C8orf34: variants seen among roughly 807,000 people sequenced by gnomAD.
C8orf34 encodes the protein uncharacterized protein C8orf34.
Under a neutral mutation model 68.3 loss-of-function variants are expected in C8orf34, and 65 were observed. The ratio of observed to expected loss-of-function variants is 0.95; its 90% CI spans 0.78 to 1.17. C8orf34 has a LOEUF of 1.17. C8orf34 is among the 50% of genes most tolerant of loss of function. The pLI is 0.00. For synonymous variants in C8orf34, 244 were observed against 241.2 expected (o/e 1.01, Z -0.11); for missense variants, 664 against 655.4 (o/e 1.01, Z -0.14).
At chr8:68,735,407 T>A (rs1251019551) in intron 10 of C8orf34, among the ~76,000 whole-genome samples, 1 of 152,236 alleles carries the variant, frequency 6.6e-6, no homozygotes, top group African/African-American at 2.4e-5. Flanking sequence ...CGTAGCTGCA[T>A]CATGTGAATG....
At chr8:68,724,725 C>T (rs1821776876) in intron 10 of C8orf34, among the ~76,000 whole-genome samples, 2 of 152,066 alleles carry the variant, frequency 1.3e-5, no homozygotes, top group African/African-American at 4.8e-5. Context: ...AAAAGACAAC[C>T]ATGAAAAGAA....
intron 1 of C8orf34, among the ~76,000 whole-genome samples, chr8:68,336,711 G>C (rs991517734): frequency 2.6e-5 from 4 of 152,122 alleles, no homozygotes; most frequent in African/African-American, 9.7e-5. Context: ...TCCACATTTT[G>C]GTTTCTAAAT....
At chr8:68,759,488 T>C (rs1458329857) in intron 10 of C8orf34, among the ~76,000 whole-genome samples, 1 of 152,166 alleles carries the variant, frequency 6.6e-6, no homozygotes, top group Non-Finnish European at 1.5e-5. Context: ...GGGACTTATA[T>C]TTCCAGCCTG....
chr8:68,360,286 A>G (rs982476136), intron 1 of C8orf34, among the ~76,000 whole-genome samples: 2 of 152,140 alleles, frequency 1.3e-5, no homozygotes, highest in Admixed American at 1.3e-4. Context: ...CATTCATTTT[A>G]TGTGTGGTTG....
At chr8:68,764,486 A>G (rs898490072) in intron 10 of C8orf34, among the ~76,000 whole-genome samples, 5 of 152,188 alleles carry the variant, frequency 3.3e-5, no homozygotes, top group Admixed American at 6.5e-5. Context: ...TCAAGACAGC[A>G]CATAGCAGAG....
chr8:68,543,957 C>T (rs185656129), intron 7 of C8orf34, among the ~76,000 whole-genome samples: 16 of 152,182 alleles, frequency 1.1e-4, no homozygotes, highest in Admixed American at 3.3e-4. Context: ...TGTTTCACCC[C>T]GGCTTTCCTC....
Position 68,330,965 on chromosome 8 carries a change from G to A in C8orf34, c.-48G>A. On this transcript the variant is annotated 5_prime_UTR_variant, in exon 1 of 14. Transcript: ENST00000518698. ...GCCTCGAATTTCCCCACTGCGCCGG[G>A]CGCTGCGGAGAGCGGCGAGGGTGGG... The A allele has an allele frequency of 7.6e-7, 1 of 1,312,204 alleles. No homozygotes were observed. Among genetic ancestry groups the A allele is most frequent in the African/African-American group, 1.6e-5 (1 of 63,810 alleles). 81.3% of individuals were successfully genotyped at this position (1,312,204 alleles called of 1,614,324 possible). A position where few individuals can be genotyped will look rare whatever the true frequency, so the allele number is the denominator to read the frequency against.
chr8:68,458,227 C>G (rs1811634920), intron 3 of C8orf34, among the ~76,000 whole-genome samples: 1 of 152,164 alleles, frequency 6.6e-6, no homozygotes, highest in Non-Finnish European at 1.5e-5. Context: ...AATTAGTTCT[C>G]TATTGTGCAG....
chr8:68,365,698 C>G (rs1303262204), intron 1 of C8orf34, among the ~76,000 whole-genome samples: 1 of 71,138 alleles, frequency 1.4e-5, no homozygotes, highest in Non-Finnish European at 2.5e-5. Context: ...ATTCAACAAC[C>G]CTTCATGCTA....
intron 7 of C8orf34, among the ~76,000 whole-genome samples, chr8:68,601,260 C>T (rs1817689396): frequency 6.6e-6 from 1 of 151,998 alleles, no homozygotes; most frequent in East Asian, 1.9e-4. Context: ...TTTGGGATTG[C>T]TCATATTCTT....
At chr8:68,330,853 C>T (rs1343678128), upstream of C8orf34, 2 of 584,546 alleles carry the variant, frequency 3.4e-6, no homozygotes, top group Non-Finnish European at 5.5e-6. Flanking sequence ...CCCCGCGGCC[C>T]CTGTCCGCCC....
intron 1 of C8orf34, among the ~76,000 whole-genome samples, chr8:68,411,040 C>T (rs1171724665): frequency 2.6e-5 from 4 of 152,194 alleles, no homozygotes; most frequent in African/African-American, 4.8e-5. Flanking sequence ...ACCTCACCTG[C>T]TTCATTCTTC....
At chr8:68,751,577 C>G (rs960477997) in intron 10 of C8orf34, among the ~76,000 whole-genome samples, 17 of 152,068 alleles carry the variant, frequency 1.1e-4, no homozygotes, top group African/African-American at 3.1e-4. Context: ...TTATACACCA[C>G]ACAGTATTGA....
At chr8:68,451,877 A>T (rs1397098055) in intron 3 of C8orf34, among the ~76,000 whole-genome samples, 1 of 149,300 alleles carries the variant, frequency 6.7e-6, no homozygotes, top group African/African-American at 2.6e-5. Flanking sequence ...TTTACTTTGT[A>T]AAAAAAACAA....
intron 2 of C8orf34, among the ~76,000 whole-genome samples, chr8:68,443,566 CTT>C (rs879611291): frequency 1.4e-5 from 2 of 143,598 alleles, no homozygotes; most frequent in Non-Finnish European, 1.5e-5. Flanking sequence ...GCCGAGCTAA[CTT>C]TTTTTTTTTT....
At position 68,815,780 on chromosome 8, in the gene C8orf34, AT is replaced by A. The variant is rs1476522256; in HGVS notation, c.1550-103del. On this transcript the variant is annotated intron_variant, in intron 12 of 13. Coordinates refer to ENST00000518698, the MANE Select transcript of C8orf34 (RefSeq NM_052958.4). The stretch of plus-strand genomic sequence containing the variant: ...TACTATAAATGTAGTTTTAATATTA[AT>A]TTCAATTAATCTTCACTAGAAATTG... 2.5e-6 allele frequency: 4 copies of A among 1,586,414 alleles called. No individual in the cohort carries two copies. In the African/African-American group the frequency reaches 5.4e-5, roughly 21 times the overall value.
intron 12 of C8orf34, among the ~76,000 whole-genome samples, chr8:68,811,924 A>T (rs887691063): frequency 2.0e-5 from 3 of 152,124 alleles, no homozygotes; most frequent in Non-Finnish European, 4.4e-5. Context: ...CAGATCCTCC[A>T]CTCCGAAATT....
At position 68,795,696 on chromosome 8, in the gene C8orf34, A is replaced by G. The variant is rs1295618214; in HGVS notation, c.1549+8160A>G. On this transcript the variant is annotated intron_variant, in intron 12 of 13. Coordinates refer to ENST00000518698, the MANE Select transcript of C8orf34 (RefSeq NM_052958.4). ...CTTCCACAGAGCCTCTATGTCAACCAGAGGTGAGAGATAGAGCCTTATGTA... is the reference window on the plus strand; with the variant it reads ...CTTCCACAGAGCCTCTATGTCAACCGGAGGTGAGAGATAGAGCCTTATGTA... Among the ~76,000 whole-genome samples the G allele has an allele frequency of 2.0e-5, 3 of 152,200 alleles. No homozygotes were observed. The East Asian group carries it at 5.8e-4, about 29-fold the overall frequency.
intron 5 of C8orf34, among the ~76,000 whole-genome samples, chr8:68,502,324 C>A (rs896079079): frequency 5.9e-5 from 9 of 152,076 alleles, no homozygotes; most frequent in African/African-American, 2.2e-4. Flanking sequence ...AGGTCTGGAG[C>A]AAGGAATATA....
Sources: allele counts gnomAD v4.1 joint callset (sites outside exome capture counted in the v4.1 genomes callset), GRCh38; gene constraint gnomAD v4.1.1; transcripts MANE v1.5; gene names NCBI Gene and HGNC (gene_info 2026-07-23, HGNC 2026-07-21).